MAPK10: variants seen among roughly 807,000 people sequenced by gnomAD.
MAPK10 encodes the protein JNK3 alpha protein kinase.
Under a neutral mutation model 59.3 loss-of-function variants are expected in MAPK10, and 25 were observed. The observed-to-expected ratio is 0.42, with a 90% CI of 0.31 to 0.59. The LOEUF is 0.59. MAPK10 is among the 20% of genes least tolerant of loss of function. The pLI is 0.15. For missense variants in MAPK10, 351 were observed against 568.9 expected (o/e 0.62, Z 3.90); for synonymous variants, 190 against 200.5 (o/e 0.95, Z 0.44).
chr4:86,167,725 A>G (rs2072312257), intron 3 of MAPK10, among the ~76,000 whole-genome samples: 1 of 152,184 alleles, frequency 6.6e-6, no homozygotes, highest in South Asian at 2.1e-4. Flanking sequence ...TCTCAAAATA[A>G]TAAGAGCTGT....
chr4:86,528,608 T>G (rs1295890031), intron 1 of MAPK10, among the ~76,000 whole-genome samples: 4 of 152,132 alleles, frequency 2.6e-5, no homozygotes, highest in Non-Finnish European at 5.9e-5. Flanking sequence ...ACAGGAGTGA[T>G]CATAGCACAC....
chr4:86,060,213 G>C (rs927803046), intron 11 of MAPK10, among the ~76,000 whole-genome samples: 1 of 152,128 alleles, frequency 6.6e-6, no homozygotes, highest in Non-Finnish European at 1.5e-5. Flanking sequence ...CCATATGTTT[G>C]TACTAGGCTT....
chr4:86,322,033 TA>T (rs2095906563), intron 2 of MAPK10: 1 of 152,070 alleles, frequency 6.6e-6, no homozygotes, highest in African/African-American at 2.4e-5. Context: ...TTGAGTTCTG[TA>T]AAATATAATC....
At chr4:86,555,895 A>G (rs1471057331) in intron 1 of MAPK10, among the ~76,000 whole-genome samples, 1 of 152,192 alleles carries the variant, frequency 6.6e-6, no homozygotes, top group African/African-American at 2.4e-5. Context: ...CTAGATATAA[A>G]TATATTACCA....
chr4:86,131,794 G>A (rs2061051424), intron 4 of MAPK10, among the ~76,000 whole-genome samples: 1 of 152,128 alleles, frequency 6.6e-6, no homozygotes, highest in African/African-American at 2.4e-5. Context: ...TTATATGGAT[G>A]AGCTAACATG....
intron 1 of MAPK10, among the ~76,000 whole-genome samples, chr4:86,519,778 C>A (rs1271945163): frequency 6.6e-6 from 1 of 152,086 alleles, no homozygotes; most frequent in South Asian, 2.1e-4. Flanking sequence ...AGATTTAGTA[C>A]TCCCTTTAGC....
chr4:86,430,879 G>A (rs1468485603), intron 1 of MAPK10, among the ~76,000 whole-genome samples: 6 of 152,106 alleles, frequency 3.9e-5, no homozygotes, highest in African/African-American at 1.2e-4. Flanking sequence ...TGAGAACAAC[G>A]GAAAAACCAT....
At chr4:86,094,653 T>C (rs1350271250) in intron 9 of MAPK10, among the ~76,000 whole-genome samples, 1 of 151,864 alleles carries the variant, frequency 6.6e-6, no homozygotes, top group Non-Finnish European at 1.5e-5. Context: ...ATCAACAAGA[T>C]GGCATGTCCT....
intron 6 of MAPK10, 132 bp downstream of exon 6, chr4:86,103,054 G>T: frequency 1.7e-6 from 1 of 593,580 alleles, no homozygotes. Context: ...CTCTCTTTGA[G>T]CAGTATAAGG....
At position 86,101,482 on chromosome 4, in the gene MAPK10, T is replaced by C. The variant is rs563952883; in HGVS notation, c.565-265A>G. On this transcript the variant is annotated intron_variant, in intron 7 of 13. Transcript: ENST00000641462. ...AGGTTTTAGAAAAAAAAATATTTAT[T>C]GTCTTCTGTTAGGTTTCTCCTTAGG... is the stretch of plus-strand genomic sequence containing the variant. 4 of 419,870 alleles carry C rather than the reference T, an allele frequency of 9.5e-6. No homozygotes were observed. The East Asian group carries it at 1.7e-4, about 18-fold the overall frequency. The allele number at this position is 419,870 out of a possible 1,614,324, so 26.0% of individuals were successfully genotyped here. A position where few individuals can be genotyped will look rare whatever the true frequency, so the allele number is the denominator to read the frequency against.
At chr4:86,346,958 C>T (rs1237974579) in intron 2 of MAPK10, among the ~76,000 whole-genome samples, 1 of 151,810 alleles carries the variant, frequency 6.6e-6, no homozygotes, top group Non-Finnish European at 1.5e-5. Flanking sequence ...TTATATATAT[C>T]TTAATAGACT....
Position 86,111,680 on chromosome 4 carries a change from G to A in MAPK10, c.237-4328C>T, listed in dbSNP as rs183564514. The stretch of plus-strand genomic sequence containing the variant: ...CAATGCTAATCAGGGATATTGGCCT[G>A]AAGTTTTCTTTTTTTTGTTATATCT... On this transcript the variant is annotated intron_variant, in intron 4 of 13. Coordinates refer to ENST00000641462, the MANE Select transcript of MAPK10 (RefSeq NM_138982.4). 5.7e-4 allele frequency among the ~76,000 whole-genome samples: 87 copies of A among 152,192 alleles called. 1 individual carries two copies. The highest frequency in any genetic ancestry group is 7.8e-4 in the Non-Finnish European group (53 of 67,962).
At chr4:86,058,783 G>A (rs565632852) in intron 11 of MAPK10, among the ~76,000 whole-genome samples, 1 of 132,260 alleles carries the variant, frequency 7.6e-6, no homozygotes, top group South Asian at 2.1e-4. Flanking sequence ...TACCCAGCTG[G>A]TCTTGACTGC....
chr4:86,543,179 T>C (rs933324638), intron 1 of MAPK10, among the ~76,000 whole-genome samples: 5 of 152,074 alleles, frequency 3.3e-5, no homozygotes, highest in Non-Finnish European at 5.9e-5. Flanking sequence ...CTTAGATGGA[T>C]TCCCAAAGAA....
At chr4:86,322,616 G>A (rs2095923234) in intron 2 of MAPK10, among the ~76,000 whole-genome samples, 1 of 152,158 alleles carries the variant, frequency 6.6e-6, no homozygotes, top group African/African-American at 2.4e-5. Flanking sequence ...ATGACTAAGT[G>A]CCCAGTTCTG....
chr4:86,485,958 G>GA (rs1452243521), intron 1 of MAPK10, among the ~76,000 whole-genome samples: 1 of 152,162 alleles, frequency 6.6e-6, no homozygotes, highest in Non-Finnish European at 1.5e-5. Context: ...CCTGAGAAGT[G>GA]AAAAATAAAA....
intron 3 of MAPK10, among the ~76,000 whole-genome samples, chr4:86,173,019 T>C (rs918231477): frequency 4.6e-5 from 7 of 152,100 alleles, no homozygotes; most frequent in Admixed American, 3.9e-4. Context: ...GAAGAATCAA[T>C]ATTGTGAAAA....
intron 2 of MAPK10, among the ~76,000 whole-genome samples, chr4:86,310,779 G>C (rs1008482171): frequency 6.6e-6 from 1 of 151,896 alleles, no homozygotes; most frequent in South Asian, 2.1e-4. Context: ...ATTTCTCACT[G>C]TGTGATTTAG....
intron 1 of MAPK10, among the ~76,000 whole-genome samples, chr4:86,490,475 T>C (rs1754371836): frequency 6.6e-6 from 1 of 152,206 alleles, no homozygotes; most frequent in South Asian, 2.1e-4. Context: ...ATTCAATTAA[T>C]GCGAGATCAG....
Sources: gnomAD v4.1 joint callset for allele counts (sites outside exome capture counted in the v4.1 genomes callset) on GRCh38, gnomAD v4.1.1 for gene constraint, MANE v1.5 for transcripts, NCBI Gene and HGNC (gene_info 2026-07-23, HGNC 2026-07-21) for gene names.